The following DLGAP2 variants were observed in gnomAD, a reference collection of about 807,000 sequenced individuals.
DLGAP2 encodes the protein DLG associated protein 2, also known as disks large-associated protein 2.
Under a neutral mutation model 100.3 loss-of-function variants are expected in DLGAP2, and 26 were observed. That is an observed-to-expected ratio of 0.26 (90% CI 0.19 to 0.36). The LOEUF (loss-of-function observed/expected upper bound fraction) is 0.36, where lower values mean the gene tolerates loss of function less well. Among genes scored for constraint, DLGAP2 ranks in the 10% least tolerant of loss-of-function variants. The probability of loss-of-function intolerance (pLI) is 1.00; values close to 1 mark genes in which losing one functional copy is unlikely to be tolerated. For missense variants in DLGAP2, 1,858 were observed against 1,453.2 expected, an observed-to-expected ratio of 1.28 and a Z score of -4.53; for synonymous variants, 886 against 630.1, an observed-to-expected ratio of 1.41 and a Z score of -6.08.
At chr8:1,359,709 A>G (rs1349390259) in intron 3 of DLGAP2, among the ~76,000 whole-genome samples, 1 of 152,240 alleles carries the variant, frequency 6.6e-6, no homozygotes, top group African/African-American at 2.4e-5. Flanking sequence ...CTCAGCTCTT[A>G]TAAAACCCGC....
At chr8:1,355,626 G>A (rs1320367896) in intron 3 of DLGAP2, among the ~76,000 whole-genome samples, 4 of 152,126 alleles carry the variant, frequency 2.6e-5, no homozygotes, top group Non-Finnish European at 4.4e-5. Flanking sequence ...GCCTCCCAGG[G>A]TGCTGGGATT....
intron 3 of DLGAP2, among the ~76,000 whole-genome samples, chr8:1,387,231 C>G (rs1796241260): frequency 6.6e-6 from 1 of 152,146 alleles, no homozygotes; most frequent in Admixed American, 6.5e-5. Flanking sequence ...GGTGGAGAGA[C>G]TGAGAGGCAG....
chr8:1,588,270 C>T (rs1162645442), intron 6 of DLGAP2, among the ~76,000 whole-genome samples: 1 of 152,008 alleles, frequency 6.6e-6, no homozygotes, highest in East Asian at 1.9e-4. Flanking sequence ...AAGGTGCGAC[C>T]TTCGAGATTC....
At chr8:919,387 T>G (rs1231824107) in intron 2 of DLGAP2, among the ~76,000 whole-genome samples, 2 of 152,184 alleles carry the variant, frequency 1.3e-5, no homozygotes, top group African/African-American at 4.8e-5. Context: ...CTTGTTTGCC[T>G]AAAGTACTAG....
intron 3 of DLGAP2, among the ~76,000 whole-genome samples, chr8:1,321,011 G>T (rs572764627): frequency 6.6e-6 from 1 of 151,794 alleles, no homozygotes; most frequent in Non-Finnish European, 1.5e-5. Context: ...CTGCGTGTGT[G>T]TGGGCATCCG....
In DLGAP2 at chr8:1,550,828, A is replaced by G. The variant is rs561118561; in HGVS notation, c.1230+1145A>G. 2.6e-5 allele frequency among the ~76,000 whole-genome samples: 4 copies of G among 152,356 alleles called. No homozygotes were observed. In the South Asian group the frequency reaches 8.3e-4, roughly 32 times the overall value. ...CTGAGGATGCCACTCAGTGACTTCCATCAGTCGATAGCGCTGTTAAAAAAA... is the reference window on the plus strand; with the variant it reads ...CTGAGGATGCCACTCAGTGACTTCCGTCAGTCGATAGCGCTGTTAAAAAAA... On this transcript the variant is annotated intron_variant, in intron 5 of 14. Coordinates refer to ENST00000637795, the MANE Select transcript of DLGAP2 (RefSeq NM_001346810.2).
chr8:1,288,558 G>GTA (rs1799990432), intron 3 of DLGAP2, among the ~76,000 whole-genome samples: 248 of 9,706 alleles, frequency 0.026, 7 homozygotes, highest in African/African-American at 0.16. Flanking sequence ...GTGTGTGTGT[G>GTA]TGGTTAGGAG....
chr8:1,520,950 G>A (rs1043532662), intron 4 of DLGAP2, among the ~76,000 whole-genome samples: 2 of 152,208 alleles, frequency 1.3e-5, no homozygotes, highest in East Asian at 3.8e-4. Context: ...CAAAGTGGCT[G>A]CACCGCTTTG....
At chr8:934,441 C>T (rs1445587636) in intron 2 of DLGAP2, among the ~76,000 whole-genome samples, 1 of 152,200 alleles carries the variant, frequency 6.6e-6, no homozygotes. Context: ...CTGTCGGAGT[C>T]GATCTATTTC....
intron 1 of DLGAP2, among the ~76,000 whole-genome samples, chr8:751,546 T>C (rs1820788731): frequency 6.6e-6 from 1 of 152,244 alleles, no homozygotes; most frequent in Non-Finnish European, 1.5e-5. Flanking sequence ...CTTGTCTCTT[T>C]CTGGTCCTTA....
At chr8:1,482,896 A>G (rs1250398815) in intron 3 of DLGAP2, among the ~76,000 whole-genome samples, 1 of 152,240 alleles carries the variant, frequency 6.6e-6, no homozygotes, top group Admixed American at 6.5e-5. Context: ...CAAAGACACG[A>G]GCGAGGACAG....
chr8:1,475,300 C>G (rs1415090639), intron 3 of DLGAP2, among the ~76,000 whole-genome samples: 1 of 151,802 alleles, frequency 6.6e-6, no homozygotes, highest in Non-Finnish European at 1.5e-5. Flanking sequence ...TGTGTACCCT[C>G]AATTCTAAAA....
rs1799592807 is a variant in DLGAP2, at chr8:1,702,194, T to G, written c.*788T>G. ...GGCTGGGAGCTTAAAAGGAAAACAA[T>G]GTCCTTACTTGTAAACAGTTATTGT... On this transcript the variant is annotated 3_prime_UTR_variant, in exon 15 of 15. Coordinates refer to ENST00000637795, the MANE Select transcript of DLGAP2 (RefSeq NM_001346810.2). The G allele has an allele frequency of 6.6e-6, 1 of 152,058 alleles. No homozygotes were observed. Among genetic ancestry groups the G allele is most frequent in the Non-Finnish European group, 1.5e-5 (1 of 68,016 alleles). The allele number at this position is 152,058 out of a possible 1,614,324, so 9.4% of individuals were successfully genotyped here. A position where few individuals can be genotyped will look rare whatever the true frequency, so the allele number is the denominator to read the frequency against.
At chr8:968,826 C>T (rs1348556087) in intron 2 of DLGAP2, among the ~76,000 whole-genome samples, 1 of 152,140 alleles carries the variant, frequency 6.6e-6, no homozygotes, top group East Asian at 1.9e-4. Flanking sequence ...CGCAGTGGAT[C>T]CACGTATAAT....
chr8:778,018 G>C (rs1243287529), intron 1 of DLGAP2, among the ~76,000 whole-genome samples: 2 of 150,216 alleles, frequency 1.3e-5, no homozygotes, highest in African/African-American at 4.9e-5. Flanking sequence ...TTTTCACGTA[G>C]TCCCATATTT....
chr8:1,476,080 A>C (rs1331328050), intron 3 of DLGAP2, among the ~76,000 whole-genome samples: 1 of 152,188 alleles, frequency 6.6e-6, no homozygotes, highest in Non-Finnish European at 1.5e-5. Flanking sequence ...TGTTGGGATT[A>C]TAGGGCGTAC....
intron 3 of DLGAP2, among the ~76,000 whole-genome samples, chr8:1,430,436 C>G (rs1037418597): frequency 6.6e-6 from 1 of 152,094 alleles, no homozygotes; most frequent in African/African-American, 2.4e-5. Context: ...TCGGTTTGAT[C>G]AAATCACATT....
chr8:1,447,778 T>C (rs2130095099), intron 3 of DLGAP2, among the ~76,000 whole-genome samples: 1 of 152,378 alleles, frequency 6.6e-6, no homozygotes, highest in South Asian at 2.1e-4. Flanking sequence ...GTTACTGGTC[T>C]ATTCAGAGAG....
intron 3 of DLGAP2, among the ~76,000 whole-genome samples, chr8:1,389,505 A>G (rs566595963): frequency 6.6e-6 from 1 of 152,276 alleles, no homozygotes; most frequent in East Asian, 1.9e-4. Context: ...GGGCACTCAG[A>G]GCTGGAAGAG....
Sources: allele counts gnomAD v4.1 joint callset (sites outside exome capture counted in the v4.1 genomes callset), GRCh38; gene constraint gnomAD v4.1.1; transcripts MANE v1.5; gene names NCBI Gene and HGNC (gene_info 2026-07-23, HGNC 2026-07-21).